SOX6: variants seen among roughly 807,000 people sequenced by gnomAD.
SOX6 encodes SRY-box transcription factor 6.
A neutral mutation model predicts 97.8 loss-of-function variants in SOX6; 11 were observed. The ratio of observed to expected loss-of-function variants is 0.11; its 90% CI spans 0.07 to 0.19. The LOEUF is 0.19. Among genes scored for constraint, SOX6 ranks in the 10% least tolerant of loss-of-function variants. The pLI, the probability that SOX6 is intolerant of heterozygous loss-of-function variation, is 1.00. For missense variants in SOX6, 810 were observed against 1,039.5 expected, an observed-to-expected ratio of 0.78 and a Z score of 3.04; for synonymous variants, 360 against 371.4, an observed-to-expected ratio of 0.97 and a Z score of 0.35.
intron 3 of SOX6, among the ~76,000 whole-genome samples, chr11:16,701,007 C>T (rs1328348134): frequency 1.3e-5 from 2 of 152,192 alleles, no homozygotes; most frequent in Non-Finnish European, 2.9e-5. Context: ...AATCAAATAA[C>T]CAGACTGACT....
At chr11:16,368,837 C>T (rs556434339) in intron 1 of SOX6, among the ~76,000 whole-genome samples, 54 of 152,166 alleles carry the variant, frequency 3.5e-4, no homozygotes, top group African/African-American at 9.2e-4. Flanking sequence ...TATCTAATAA[C>T]GGGTGAGTAT....
chr11:16,498,373 A>G (rs1258892512), intron 4 of SOX6, among the ~76,000 whole-genome samples: 2 of 152,218 alleles, frequency 1.3e-5, no homozygotes, highest in South Asian at 2.1e-4. Flanking sequence ...TGTAAAGACC[A>G]TCGAGGCTAG....
chr11:16,702,129 TA>T (rs1309047512), intron 3 of SOX6, among the ~76,000 whole-genome samples: 1 of 152,220 alleles, frequency 6.6e-6, no homozygotes, highest in Non-Finnish European at 1.5e-5. Flanking sequence ...AACGAATTTT[TA>T]TTTCTGTATC....
intron 9 of SOX6, among the ~76,000 whole-genome samples, chr11:16,070,248 T>G (rs1848193233): frequency 6.6e-6 from 1 of 152,160 alleles, no homozygotes; most frequent in Non-Finnish European, 1.5e-5. Flanking sequence ...ACTGGGTAGT[T>G]TGCTCCTCTA....
chr11:16,670,469 C>T (rs1482753838), intron 3 of SOX6, among the ~76,000 whole-genome samples: 1 of 152,154 alleles, frequency 6.6e-6, no homozygotes, highest in Non-Finnish European at 1.5e-5. Flanking sequence ...TCCTCTCTGC[C>T]ACTGCCTCTG....
chr11:16,496,528 C>T (rs1479129985), intron 4 of SOX6, among the ~76,000 whole-genome samples: 2 of 152,340 alleles, frequency 1.3e-5, no homozygotes, highest in African/African-American at 4.8e-5. Flanking sequence ...GGCATCGCCT[C>T]ACCCGGGAAG....
intron 3 of SOX6, among the ~76,000 whole-genome samples, chr11:16,288,580 A>T (rs949226034): frequency 1.3e-5 from 2 of 152,054 alleles, no homozygotes; most frequent in African/African-American, 4.8e-5. Flanking sequence ...CTTTTTAGTA[A>T]GATATTTTAG....
intron 9 of SOX6, among the ~76,000 whole-genome samples, chr11:16,067,763 A>G (rs1004585876): frequency 6.6e-5 from 10 of 152,222 alleles, no homozygotes; most frequent in Admixed American, 2.6e-4. Context: ...TCCATATCCA[A>G]ACATTTCATG....
chr11:16,024,809 G>A (rs886383327), intron 12 of SOX6, among the ~76,000 whole-genome samples: 1 of 152,052 alleles, frequency 6.6e-6, no homozygotes, highest in African/African-American at 2.4e-5. Context: ...GCTTCTTGTG[G>A]AGATGTTTTA....
chr11:16,297,907 C>T (rs1251491341), intron 3 of SOX6, among the ~76,000 whole-genome samples: 1 of 152,168 alleles, frequency 6.6e-6, no homozygotes, highest in Admixed American at 6.6e-5. Context: ...TTAGCTGTGA[C>T]ACCTTGGCTA....
rs1848323124 is a variant in SOX6 at position 16,605,351 on chromosome 11, C to A, written n.609+6730G>T. 6.6e-6 allele frequency among the ~76,000 whole-genome samples: 1 copy of A among 152,200 alleles called. No individual in the cohort carries two copies. Among genetic ancestry groups the A allele is most frequent in the Non-Finnish European group, 1.5e-5 (1 of 68,026 alleles). On this transcript the variant is annotated intron_variant and non_coding_transcript_variant, in intron 4 of 5. Coordinates refer to the SOX6 transcript ENST00000524520. This position sits in a 1 kb window ranked among gnomAD's most constrained non-coding sequence, Gnocchi z 5.3. ...GCCCCCGCTCCCGCCAGGTCAGGCACCACTGCCCTCGCGGCCAGGGTAAAG... is the reference window on the plus strand; with the variant it reads ...GCCCCCGCTCCCGCCAGGTCAGGCAACACTGCCCTCGCGGCCAGGGTAAAG...
intron 5 of SOX6, 58 bp downstream of exon 5, chr11:16,186,725 T>A (rs1851487463): frequency 1.3e-6 from 2 of 1,571,410 alleles, no homozygotes; most frequent in Non-Finnish European, 8.7e-7. Context: ...ATTTGATTAC[T>A]CTCTGAGCCT....
chr11:16,652,180 T>C (rs1847662981), intron 3 of SOX6, among the ~76,000 whole-genome samples: 1 of 152,092 alleles, frequency 6.6e-6, no homozygotes, highest in South Asian at 2.1e-4. Flanking sequence ...AAAATGACCA[T>C]ACAGCCAAAA....
At chr11:16,653,325 T>C (rs76997982) in intron 3 of SOX6, among the ~76,000 whole-genome samples, 7,678 of 152,260 alleles carry the variant, frequency 0.05, 261 homozygotes, top group Middle Eastern at 0.082. Context: ...AGCACATTTA[T>C]AGCAGCATAA....
intron 6 of SOX6, among the ~76,000 whole-genome samples, chr11:16,145,032 G>A (rs1435058959): frequency 6.6e-6 from 1 of 152,064 alleles, no homozygotes; most frequent in Non-Finnish European, 1.5e-5. Flanking sequence ...CCAAAGCCTG[G>A]CAGAGACACA....
rs1207952239 is a variant in SOX6 at position 16,565,750 on chromosome 11, A to T, written n.609+46331T>A. ...AAAAAAAAAAAAAAAAAAAAAAAAA[A>T]AAAAAAAACTCGTCAACAGAAAGAA... is the stretch of plus-strand genomic sequence containing the variant. On this transcript the variant is annotated intron_variant and non_coding_transcript_variant, in intron 4 of 5. Coordinates refer to the SOX6 transcript ENST00000524520. Among the ~76,000 whole-genome samples, 46 of 14,060 alleles carry T rather than the reference A, an allele frequency of 3.3e-3. 6 individuals carry two copies. Among genetic ancestry groups the T allele is most frequent in the African/African-American group, 9.7e-3 (44 of 4,524 alleles). The allele number at this position is 14,060 out of a possible 152,430, so 9.2% of individuals were successfully genotyped here.
At chr11:16,528,426 G>T (rs1159110929) in intron 4 of SOX6, among the ~76,000 whole-genome samples, 1 of 152,084 alleles carries the variant, frequency 6.6e-6, no homozygotes, top group Non-Finnish European at 1.5e-5. Context: ...TTCAGAGGGT[G>T]TGTGAAGGGA....
chr11:16,514,659 T>C (rs1042455501), intron 4 of SOX6, among the ~76,000 whole-genome samples: 1 of 150,816 alleles, frequency 6.6e-6, no homozygotes, highest in African/African-American at 2.4e-5. Context: ...ACTCGTCATC[T>C]AGCATTAGGT....
chr11:16,546,697 T>C (rs1847624601), intron 4 of SOX6, among the ~76,000 whole-genome samples: 1 of 151,950 alleles, frequency 6.6e-6, no homozygotes, highest in Non-Finnish European at 1.5e-5. Flanking sequence ...CAGGACACGA[T>C]CTAGGCAACG....
Sources: allele counts gnomAD v4.1 joint callset (sites outside exome capture counted in the v4.1 genomes callset), GRCh38; gene constraint gnomAD v4.1.1; non-coding constraint Gnocchi (gnomAD v3.1); transcripts MANE v1.5; gene names NCBI Gene and HGNC (gene_info 2026-07-23, HGNC 2026-07-21).